PTPRT: variants seen among roughly 807,000 people sequenced by gnomAD.
PTPRT encodes the protein protein tyrosine phosphatase receptor type T, also known as receptor-type tyrosine-protein phosphatase T.
Under a neutral mutation model 176.8 loss-of-function variants are expected in PTPRT, and 56 were observed. The observed-to-expected ratio is 0.32, with a 90% CI of 0.26 to 0.40. PTPRT has a LOEUF of 0.40. Ranked by LOEUF, PTPRT falls within the 10% of genes least tolerant of loss-of-function variation. The probability of loss-of-function intolerance (pLI) is 1.00; values close to 1 mark genes in which losing one functional copy is unlikely to be tolerated. For missense variants in PTPRT, 1,540 were observed against 1,908.2 expected, an observed-to-expected ratio of 0.81 and a Z score of 3.60; for synonymous variants, 783 against 739.0, an observed-to-expected ratio of 1.06 and a Z score of -0.96.
chr20:42,694,498 A>C (rs2075842706), intron 6 of PTPRT, among the ~76,000 whole-genome samples: 1 of 152,340 alleles, frequency 6.6e-6, no homozygotes, highest in Non-Finnish European at 1.5e-5. Flanking sequence ...TTAAAATAAA[A>C]CTGCCATGAA....
intron 9 of PTPRT, among the ~76,000 whole-genome samples, chr20:42,355,456 G>A (rs544295898): frequency 1.3e-5 from 2 of 152,338 alleles, no homozygotes; most frequent in African/African-American, 4.8e-5. Flanking sequence ...TCTCAGGAGA[G>A]AGTGCAACTG....
At chr20:42,613,918 A>G (rs1209189933) in intron 7 of PTPRT, among the ~76,000 whole-genome samples, 2 of 147,218 alleles carry the variant, frequency 1.4e-5, no homozygotes, top group African/African-American at 5.0e-5. Context: ...AAGAAGGAAA[A>G]GGACAAAAAA....
chr20:42,264,603 T>C (rs1600748101), intron 13 of PTPRT, among the ~76,000 whole-genome samples: 1 of 152,194 alleles, frequency 6.6e-6, no homozygotes, highest in East Asian at 1.9e-4. Flanking sequence ...CCATGACCTT[T>C]GTGCACTCCA....
chr20:42,882,613 C>A (rs1356118824), intron 2 of PTPRT, among the ~76,000 whole-genome samples: 1 of 152,130 alleles, frequency 6.6e-6, no homozygotes, highest in African/African-American at 2.4e-5. Context: ...TTAATAAAAA[C>A]ACTTAATAAA....
chr20:42,962,371 T>A (rs191748234), intron 1 of PTPRT, among the ~76,000 whole-genome samples: 3 of 151,630 alleles, frequency 2.0e-5, no homozygotes, highest in Non-Finnish European at 4.4e-5. Context: ...AAGCTCCCAA[T>A]AATAAAATGA....
At chr20:42,731,301 A>C (rs1288864662) in intron 6 of PTPRT, among the ~76,000 whole-genome samples, 3 of 152,178 alleles carry the variant, frequency 2.0e-5, no homozygotes, top group Non-Finnish European at 4.4e-5. Flanking sequence ...CATCCAATTA[A>C]GTGGAGGTTA....
intron 2 of PTPRT, among the ~76,000 whole-genome samples, chr20:42,820,082 T>C (rs1056458983): frequency 5.3e-5 from 8 of 152,288 alleles, no homozygotes; most frequent in Admixed American, 6.5e-5. Context: ...TAGACGTCTA[T>C]AGAATTCTCT....
chr20:42,646,851 T>A (rs1413589305), intron 7 of PTPRT, among the ~76,000 whole-genome samples: 1 of 145,350 alleles, frequency 6.9e-6, no homozygotes, highest in East Asian at 2.1e-4. Context: ...TATCTCAGGC[T>A]CTATATCTAG....
intron 1 of PTPRT, among the ~76,000 whole-genome samples, chr20:42,896,352 T>C (rs1157319696): frequency 6.6e-6 from 1 of 152,046 alleles, no homozygotes; most frequent in South Asian, 2.1e-4. Flanking sequence ...GAAATCAAGA[T>C]GGTGCCAGGC....
intron 7 of PTPRT, among the ~76,000 whole-genome samples, chr20:42,597,436 A>G (rs2145778182): frequency 6.6e-6 from 1 of 152,252 alleles, no homozygotes; most frequent in East Asian, 1.9e-4. Flanking sequence ...GTTTACTTGT[A>G]ATCCCAATGT....
chr20:42,587,310 C>T (rs6102915), intron 7 of PTPRT, among the ~76,000 whole-genome samples: 8 of 152,232 alleles, frequency 5.3e-5, no homozygotes, highest in African/African-American at 1.9e-4. Context: ...GACAGCATCC[C>T]AGCATTTACA....
At chr20:42,900,120 C>CA (rs554700625) in intron 1 of PTPRT, among the ~76,000 whole-genome samples, 1 of 152,192 alleles carries the variant, frequency 6.6e-6, no homozygotes, top group Admixed American at 6.5e-5. Flanking sequence ...TTGCAACAGG[C>CA]AAATTGCCCT....
intron 6 of PTPRT, among the ~76,000 whole-genome samples, chr20:42,741,560 G>C (rs1018638581): frequency 6.6e-6 from 1 of 151,942 alleles, no homozygotes; most frequent in African/African-American, 2.4e-5. Context: ...TGGCCAGGCT[G>C]GTCTCGAACT....
At chr20:42,530,967 G>A (rs967478301) in intron 7 of PTPRT, among the ~76,000 whole-genome samples, 6 of 152,184 alleles carry the variant, frequency 3.9e-5, no homozygotes, top group African/African-American at 1.2e-4. Flanking sequence ...ACAAAACACA[G>A]GAAATGCTTA....
chr20:42,955,208 A>C (rs1292506798), intron 1 of PTPRT, among the ~76,000 whole-genome samples: 2 of 152,186 alleles, frequency 1.3e-5, no homozygotes, highest in Non-Finnish European at 2.9e-5. Flanking sequence ...ATCTGTATTA[A>C]CACCATTAAT....
At chr20:42,550,066 C>A (rs1230144732) in intron 7 of PTPRT, among the ~76,000 whole-genome samples, 1 of 152,076 alleles carries the variant, frequency 6.6e-6, no homozygotes, top group Non-Finnish European at 1.5e-5. Flanking sequence ...TCACGAGAGC[C>A]ATTTATAGAA....
chr20:42,256,515 G>A (rs1418036996), intron 13 of PTPRT, among the ~76,000 whole-genome samples: 2 of 148,404 alleles, frequency 1.3e-5, no homozygotes, highest in Non-Finnish European at 3.0e-5. Context: ...AAAAAAAAAT[G>A]TATTTCAGAT....
At chr20:42,906,055 TA>T (rs2079473443) in intron 1 of PTPRT, among the ~76,000 whole-genome samples, 1 of 151,834 alleles carries the variant, frequency 6.6e-6, no homozygotes, top group Admixed American at 6.6e-5. Context: ...TTAAAGTATA[TA>T]TATATAAAAA....
At position 42,315,986 on chromosome 20, in the gene PTPRT, G is replaced by A; in HGVS notation, c.1876C>T (p.Leu626=). ...TGAAGTCGCTCCTCCTTGACAACCAGCTGATAAACACTGGACAGGAAAGAG... is the reference window on the plus strand; with the variant it reads ...TGAAGTCGCTCCTCCTTGACAACCAACTGATAAACACTGGACAGGAAAGAG... ...SRGAPVSVYQ[L]VVKEERLQKS... is the part of the protein sequence containing the mutation. The change falls in exon 12 of 31, where the codon CTG becomes TTG. Residue 626 remains leucine (L), a synonymous_variant. Transcript: ENST00000373187. 6.2e-7 allele frequency: 1 copy of A among 1,613,890 alleles called. No homozygotes were observed. Among genetic ancestry groups the A allele is most frequent in the Non-Finnish European group, 8.5e-7 (1 of 1,179,906 alleles).
Sources: gnomAD v4.1 joint callset for allele counts (sites outside exome capture counted in the v4.1 genomes callset) on GRCh38, gnomAD v4.1.1 for gene constraint, MANE v1.5 for transcripts, NCBI Gene and HGNC (gene_info 2026-07-23, HGNC 2026-07-21) for gene names.